ABL2: variants seen among roughly 807,000 people sequenced by gnomAD.
ABL2 encodes the protein ABL proto-oncogene 2, non-receptor tyrosine kinase, also known as tyrosine-protein kinase ABL2.
A neutral mutation model predicts 107.7 loss-of-function variants in ABL2; 49 were observed. The ratio of observed to expected loss-of-function variants is 0.45; its 90% CI spans 0.36 to 0.58. The LOEUF (loss-of-function observed/expected upper bound fraction) is 0.58, where lower values mean the gene tolerates loss of function less well. Ranked by LOEUF, ABL2 falls within the 20% of genes least tolerant of loss-of-function variation. The pLI, the probability that ABL2 is intolerant of heterozygous loss-of-function variation, is 0.00. For missense variants in ABL2, 1,245 were observed against 1,457.0 expected (o/e 0.85, Z 2.37); for synonymous variants, 549 against 548.6 (o/e 1.00, Z -0.01).
At chr1:179,135,278 G>A (rs1263837453) in intron 1 of ABL2, among the ~76,000 whole-genome samples, 1 of 146,812 alleles carries the variant, frequency 6.8e-6, no homozygotes, top group Non-Finnish European at 1.5e-5. Flanking sequence ...TCCCATCTAG[G>A]AAGTGAGGAG....
intron 1 of ABL2, among the ~76,000 whole-genome samples, chr1:179,147,181 CAAAAAAAAAAAAAAAA>C (rs58297805): frequency 1.2e-4 from 6 of 50,528 alleles, no homozygotes; most frequent in Non-Finnish European, 1.8e-4. Flanking sequence ...CAGAGAAATG[CAAAAAAAAAAAAAAAA>C]AAAAAAAAAA....
chr1:179,217,484 A>G (rs2124846632), intron 1 of ABL2, among the ~76,000 whole-genome samples: 1 of 150,998 alleles, frequency 6.6e-6, no homozygotes, highest in South Asian at 2.1e-4. Flanking sequence ...AAATTAGCCG[A>G]GTGTGATGGC....
rs577370147 is a variant in ABL2 at position 179,177,105 on chromosome 1, T to C, written c.158-43731A>G. On this transcript the variant is annotated intron_variant, in intron 1 of 11. Transcript: ENST00000502732. ...ACACTTAAGAGAGTGAATGAATCAA[T>C]AGAAGAGAAAGACTTAATTTAACAC... Among the ~76,000 whole-genome samples, 4 of 152,196 alleles carry C rather than the reference T, an allele frequency of 2.6e-5. No homozygotes were observed. The East Asian group carries it at 5.8e-4, about 22-fold the overall frequency.
At chr1:179,175,372 T>C (rs1327561748) in intron 1 of ABL2, among the ~76,000 whole-genome samples, 1 of 152,174 alleles carries the variant, frequency 6.6e-6, no homozygotes, top group Non-Finnish European at 1.5e-5. Flanking sequence ...CCTTTACCCT[T>C]TTCCCTGGTC....
chr1:179,133,455 T>C (rs1383234091), intron 1 of ABL2, 81 bp from the exon 2 acceptor site: 7 of 1,611,060 alleles, frequency 4.3e-6, no homozygotes, highest in African/African-American at 4.0e-5. Flanking sequence ...CTCCTTTTCA[T>C]GGCATTCAAA....
Position 179,121,736 on chromosome 1 carries a change from A to G in ABL2, c.819T>C (p.Gly273=). Residue 273 remains glycine, a synonymous_variant, in exon 5 of 12, where the codon GGT becomes GGC. Coordinates refer to ENST00000502732, the MANE Select transcript of ABL2 (RefSeq NM_007314.4). ...CCCATTTGTCGTGGATGGGGGACAC[A>G]CCATAGACTGTAGGCTTATTACACT... The part of the protein sequence containing the change: ...APKCNKPTVY[G]VSPIHDKWEM... 1.2e-6 allele frequency: 2 copies of G among 1,614,030 alleles called. No homozygotes were observed. The highest frequency in any genetic ancestry group is 1.7e-6 in the Non-Finnish European group (2 of 1,180,006).
intron 1 of ABL2, chr1:179,196,398 G>A (rs1661311347): frequency 6.6e-6 from 1 of 152,126 alleles, no homozygotes; most frequent in East Asian, 1.9e-4. Context: ...GATACACTAT[G>A]GGATGATTAA....
intron 1 of ABL2, among the ~76,000 whole-genome samples, chr1:179,208,937 T>C (rs1175858811): frequency 6.6e-6 from 1 of 152,236 alleles, no homozygotes; most frequent in Non-Finnish European, 1.5e-5. Context: ...TGCTCAATGA[T>C]GTAATAATAC....
At chr1:179,191,621 C>T (rs550495779) in intron 1 of ABL2, among the ~76,000 whole-genome samples, 6 of 151,822 alleles carry the variant, frequency 4.0e-5, no homozygotes, top group Admixed American at 6.6e-5. Context: ...AGGGTTTCAC[C>T]GTGTTGTCCA....
At chr1:179,229,167 T>TGCGGCCCCCCCC in intron 1 of ABL2, 74 bp downstream of exon 1, 3 of 402,572 alleles carry the variant, frequency 7.5e-6, no homozygotes, top group Non-Finnish European at 9.3e-6. Context: ...GGGCAGCCCG[T>TGCGGCCCCCCCC]CCGCCACCCA....
chr1:179,176,243 A>C (rs575725717), intron 1 of ABL2, among the ~76,000 whole-genome samples: 2 of 152,290 alleles, frequency 1.3e-5, no homozygotes, highest in African/African-American at 2.4e-5. Context: ...GGGTACAGAA[A>C]AATAGAATAA....
At chr1:179,204,152 G>C (rs990982533) in intron 1 of ABL2, among the ~76,000 whole-genome samples, 11 of 151,874 alleles carry the variant, frequency 7.2e-5, no homozygotes, top group African/African-American at 2.7e-4. Context: ...TCAGCCTCTC[G>C]AGTAGCTGGG....
intron 1 of ABL2, among the ~76,000 whole-genome samples, chr1:179,173,952 T>C (rs1291373471): frequency 6.6e-6 from 1 of 151,852 alleles, no homozygotes; most frequent in Non-Finnish European, 1.5e-5. Flanking sequence ...ACCTACCTTC[T>C]CAAGAAAACC....
intron 1 of ABL2, among the ~76,000 whole-genome samples, chr1:179,191,489 C>T (rs1363322085): frequency 1.5e-5 from 2 of 135,642 alleles, no homozygotes; most frequent in Non-Finnish European, 3.0e-5. Context: ...GGCACAATCT[C>T]GGCTCACTGC....
intron 1 of ABL2, among the ~76,000 whole-genome samples, chr1:179,186,314 A>AT (rs1660682443): frequency 6.6e-6 from 1 of 152,080 alleles, no homozygotes; most frequent in Non-Finnish European, 1.5e-5. Context: ...TAGCCTTGGA[A>AT]TTTATTTCAC....
intron 1 of ABL2, among the ~76,000 whole-genome samples, chr1:179,148,009 G>A (rs535988621): frequency 6.6e-6 from 1 of 151,190 alleles, no homozygotes; most frequent in East Asian, 1.9e-4. Flanking sequence ...ACCCTACATT[G>A]AGCAAGTCTA....
intron 4 of ABL2, among the ~76,000 whole-genome samples, 178 bp from the exon 5 acceptor site, chr1:179,122,045 CCTCT>C (rs375041616): frequency 1.9e-4 from 28 of 149,774 alleles, no homozygotes; most frequent in African/African-American, 5.2e-4. Context: ...CCTGCCTCAG[CCTCT>C]CTGAGTAGGT....
At chr1:179,178,748 A>G (rs1258246246) in intron 1 of ABL2, among the ~76,000 whole-genome samples, 1 of 151,296 alleles carries the variant, frequency 6.6e-6, no homozygotes, top group East Asian at 2.0e-4. Context: ...AAATTAGCTG[A>G]GTGTGGTGGG....
chr1:179,150,971 T>C (rs891604050), intron 1 of ABL2, among the ~76,000 whole-genome samples: 2 of 152,220 alleles, frequency 1.3e-5, no homozygotes, highest in African/African-American at 2.4e-5. Flanking sequence ...TCTCAGATGA[T>C]CATCAGCATT....
Sources: gnomAD v4.1 joint callset for allele counts (sites outside exome capture counted in the v4.1 genomes callset) on GRCh38, gnomAD v4.1.1 for gene constraint, MANE v1.5 for transcripts, NCBI Gene and HGNC (gene_info 2026-07-23, HGNC 2026-07-21) for gene names.